RIN2: variants seen among roughly 807,000 people sequenced by gnomAD.
RIN2 encodes Ras and Rab interactor 2, also known as RAB5 interacting protein 2.
RIN2 carries 36 observed loss-of-function variants against 78.0 expected under a neutral mutation model. The ratio of observed to expected loss-of-function variants is 0.46; its 90% CI spans 0.35 to 0.61. RIN2 has a LOEUF of 0.61. Ranked by LOEUF, RIN2 falls within the 20% of genes least tolerant of loss-of-function variation. The pLI is 0.00. For synonymous variants in RIN2, 466 were observed against 466.8 expected, an observed-to-expected ratio of 1.00 and a Z score of 0.02; for missense variants, 1,087 against 1,159.7, an observed-to-expected ratio of 0.94 and a Z score of 0.91.
At chr20:19,771,942 A>T (rs903738880) in intron 1 of RIN2, among the ~76,000 whole-genome samples, 1 of 152,114 alleles carries the variant, frequency 6.6e-6, no homozygotes, top group African/African-American at 2.4e-5. Context: ...TTGCACAGAA[A>T]CTAGAACTAA....
At chr20:19,823,981 G>A in intron 2 of RIN2, 2 of 1,295,510 alleles carry the variant, frequency 1.5e-6, no homozygotes, top group Admixed American at 1.9e-5. Context: ...CCGGATTCAG[G>A]ACGACCGAAG....
intron 4 of RIN2, among the ~76,000 whole-genome samples, chr20:19,943,981 T>C: frequency 7.5e-6 from 1 of 132,530 alleles, no homozygotes; most frequent in East Asian, 2.8e-4. Context: ...TATCCTTTTT[T>C]TTTTTTTTTT....
At chr20:19,951,884 T>A (rs1279180717) in intron 4 of RIN2, among the ~76,000 whole-genome samples, 2 of 152,214 alleles carry the variant, frequency 1.3e-5, no homozygotes, top group African/African-American at 2.4e-5. Flanking sequence ...TTACCTTTTA[T>A]GAACCTCTGT....
chr20:19,820,334 C>G (rs996919317), intron 2 of RIN2, among the ~76,000 whole-genome samples: 6 of 152,180 alleles, frequency 3.9e-5, no homozygotes, highest in African/African-American at 9.7e-5. Flanking sequence ...GAGACTCCAT[C>G]GTAGCCTTTC....
At chr20:19,869,245 C>T (rs555611884) in intron 2 of RIN2, among the ~76,000 whole-genome samples, 6 of 152,162 alleles carry the variant, frequency 3.9e-5, no homozygotes, top group Non-Finnish European at 8.8e-5. Flanking sequence ...ACCATATACG[C>T]TGTGGCAGAG....
chr20:19,974,977 A>T lies in RIN2; in HGVS notation c.952A>T (p.Ser318Cys). The change falls in exon 9 of 13, where the codon AGT (serine) becomes TGT (cysteine). Residue 318 changes from serine (S) to cysteine (C), a missense_variant. Physicochemically the swap from Ser to Cys is moderately radical, Grantham distance 112 (BLOSUM62 -1). This residue lies in a region of RIN2 where 706 missense variants were observed against 667.5 expected (regional missense o/e 1.06). Transcript: ENST00000255006. ...PPRPPPPAIN[S>C]LHTSPRLART... is the part of the protein sequence containing the mutation. Reference sequence around the variant, plus strand: ...CAGGCCCCCGCCACCCGCTATTAATAGTCTCCACACAAGCCCTCGGCTGGC... The same window carrying T: ...CAGGCCCCCGCCACCCGCTATTAATTGTCTCCACACAAGCCCTCGGCTGGC... 6.2e-7 allele frequency: 1 copy of T among 1,612,562 alleles called. No homozygotes were observed. Among genetic ancestry groups the T allele is most frequent in the Non-Finnish European group, 8.5e-7 (1 of 1,179,594 alleles).
At chr20:19,857,333 CTTA>C (rs892263076) in intron 2 of RIN2, among the ~76,000 whole-genome samples, 6 of 152,012 alleles carry the variant, frequency 3.9e-5, no homozygotes, top group African/African-American at 1.2e-4. Flanking sequence ...TTCCTGGGTA[CTTA>C]TCCATTGTAT....
At chr20:19,964,890 G>A (rs2041887439) in intron 6 of RIN2, 62 bp from the exon 7 acceptor site, 1 of 1,382,908 alleles carries the variant, frequency 7.2e-7, no homozygotes. Context: ...GGTGTTAGGG[G>A]CTCTTCCTGT....
intron 2 of RIN2, among the ~76,000 whole-genome samples, chr20:19,812,697 A>G (rs2035640985): frequency 1.3e-5 from 2 of 152,222 alleles, no homozygotes; most frequent in Admixed American, 1.3e-4. Context: ...AGAATGGCAT[A>G]CTTGGGAATT....
chr20:19,900,945 CAAAAAAAAAA>C (rs869239642), intron 3 of RIN2, among the ~76,000 whole-genome samples: 8 of 29,572 alleles, frequency 2.7e-4, no homozygotes, highest in East Asian at 1.3e-3. Flanking sequence ...AGCTCTGTCT[CAAAAAAAAAA>C]AAAAAAAAAA....
intron 1 of RIN2, among the ~76,000 whole-genome samples, chr20:19,766,212 G>A (rs1433876644): frequency 6.6e-6 from 1 of 152,102 alleles, no homozygotes; most frequent in Non-Finnish European, 1.5e-5. Flanking sequence ...GACAAACACT[G>A]TCTCTGGGCA....
intron 1 of RIN2, among the ~76,000 whole-genome samples, chr20:19,779,509 C>A (rs2034425328): frequency 6.6e-6 from 1 of 151,984 alleles, no homozygotes; most frequent in South Asian, 2.1e-4. Flanking sequence ...GCTTAGGATC[C>A]CAAGATGAGA....
chr20:19,940,517 A>G (rs936620579), intron 4 of RIN2, among the ~76,000 whole-genome samples: 1 of 152,290 alleles, frequency 6.6e-6, no homozygotes, highest in Middle Eastern at 3.4e-3. Context: ...TTTGGCCAAT[A>G]GAGTAGGAGC....
intron 3 of RIN2, among the ~76,000 whole-genome samples, chr20:19,918,353 T>TTG (rs3059683): frequency 0.036 from 5,262 of 147,116 alleles, 99 homozygotes; most frequent in Non-Finnish European, 0.05. Context: ...TACAAATACA[T>TTG]TGTGTGTGTG....
At chr20:19,826,834 A>C (rs1322066705) in intron 2 of RIN2, among the ~76,000 whole-genome samples, 1 of 152,124 alleles carries the variant, frequency 6.6e-6, no homozygotes, top group African/African-American at 2.4e-5. Context: ...TCTTAGGCAC[A>C]AATTTTTTTC....
chr20:19,764,826 C>G (rs1162659864), intron 1 of RIN2, among the ~76,000 whole-genome samples: 2 of 149,866 alleles, frequency 1.3e-5, no homozygotes, highest in Non-Finnish European at 3.0e-5. Context: ...TCCCCTAGGT[C>G]TGGCATCATT....
At chr20:19,888,771 G>T (rs2038312048) in intron 2 of RIN2, among the ~76,000 whole-genome samples, 1 of 152,240 alleles carries the variant, frequency 6.6e-6, no homozygotes, top group African/African-American at 2.4e-5. Context: ...GCCTGAGCCA[G>T]GTCAGCTGGC....
intron 4 of RIN2, among the ~76,000 whole-genome samples, chr20:19,941,416 CT>C (rs1189233625): frequency 6.6e-6 from 1 of 152,224 alleles, no homozygotes; most frequent in African/African-American, 2.4e-5. Flanking sequence ...ACATTAGCGA[CT>C]CTGTGGCTTT....
chr20:19,792,195 T>G (rs2034908423), intron 1 of RIN2, among the ~76,000 whole-genome samples: 1 of 152,220 alleles, frequency 6.6e-6, no homozygotes, highest in African/African-American at 2.4e-5. Flanking sequence ...CACTTCCAGC[T>G]GGCGTGGTTT....
Sources: allele counts gnomAD v4.1 joint callset (sites outside exome capture counted in the v4.1 genomes callset), GRCh38; gene constraint gnomAD v4.1.1; regional missense constraint gnomAD v4.1.1; transcripts MANE v1.5; gene names NCBI Gene and HGNC (gene_info 2026-07-23, HGNC 2026-07-21).